The following PLEKHA4 variants were observed in gnomAD, a reference collection of about 807,000 sequenced individuals.
PLEKHA4 encodes pleckstrin homology domain-containing family A member 4.
In PLEKHA4, 73 loss-of-function variants were observed where a neutral mutation model predicts 94.7. The ratio of observed to expected loss-of-function variants is 0.77; its 90% CI spans 0.64 to 0.94. The LOEUF is 0.94. Among genes scored for constraint, PLEKHA4 ranks in the 40% least tolerant of loss-of-function variants. The probability of loss-of-function intolerance (pLI) is 0.00; values close to 1 mark genes in which losing one functional copy is unlikely to be tolerated. For synonymous variants in PLEKHA4, 449 were observed against 437.1 expected, an observed-to-expected ratio of 1.03 and a Z score of -0.34; for missense variants, 1,049 against 1,054.1, an observed-to-expected ratio of 1.00 and a Z score of 0.07.
In PLEKHA4 at chr19:48,841,298, G is replaced by C. The variant is rs201224761; in HGVS notation, c.1756C>G (p.Arg586Gly). ...TGCTCCTGGGCACTCATCCGGGGCC[G>C]GGCCACCGGGGCCTAGGGAGGCGAG... ...PQLGTKAPVARPRMSAQEQLE... is the reference protein window; with the variant it reads ...PQLGTKAPVAGPRMSAQEQLE... The change falls in exon 17 of 20, where the codon CGG becomes GGG. Residue 586 changes from arginine (R) to glycine (G), a missense_variant. Arg to Gly is a moderately radical substitution (Grantham distance 125). Transcript: ENST00000263265. 1.7e-5 allele frequency: 28 copies of C among 1,609,486 alleles called. No homozygotes were observed. The highest frequency in any genetic ancestry group is 3.5e-4 in the Middle Eastern group (2 of 5,750).
At chr19:48,862,113 T>A (rs1263044520) in intron 3 of PLEKHA4, among the ~76,000 whole-genome samples, 3 of 151,658 alleles carry the variant, frequency 2.0e-5, no homozygotes, top group Non-Finnish European at 4.4e-5. Context: ...AGACACATGT[T>A]TGGGGCAATG....
chr19:48,851,165 T>A (rs2036170261), intron 13 of PLEKHA4, among the ~76,000 whole-genome samples: 1 of 151,396 alleles, frequency 6.6e-6, no homozygotes, highest in Non-Finnish European at 1.5e-5. Context: ...AATAAAAGAG[T>A]ATAATGGATT....
intron 13 of PLEKHA4, among the ~76,000 whole-genome samples, chr19:48,849,378 G>A (rs538361205): frequency 5.9e-5 from 9 of 151,474 alleles, no homozygotes; most frequent in African/African-American, 9.7e-5. Context: ...TCACGATCTC[G>A]GCTCACTGCA....
At chr19:48,865,441 A>T (rs1310408524) in intron 3 of PLEKHA4, 62 bp downstream of exon 3, 4 of 1,271,886 alleles carry the variant, frequency 3.1e-6, no homozygotes, top group Non-Finnish European at 4.6e-6. Context: ...TTGCAAGGAG[A>T]GAGACAGAGG....
intron 16 of PLEKHA4, among the ~76,000 whole-genome samples, chr19:48,842,650 G>C (rs535938667): frequency 5.3e-5 from 8 of 152,300 alleles, no homozygotes; most frequent in Middle Eastern, 3.4e-3. Context: ...CCAAGCCCCT[G>C]CTGCTCTTTG....
At chr19:48,859,339 G>A in intron 7 of PLEKHA4, 130 bp downstream of exon 7, 1 of 1,037,688 alleles carries the variant, frequency 9.6e-7, no homozygotes, top group Non-Finnish European at 1.4e-6. Context: ...TCCCCGACAG[G>A]CTGTGACCCC....
chr19:48,868,355 T>G lies in PLEKHA4; in HGVS notation c.-279A>C, dbSNP rs1360257490. 6.6e-6 allele frequency: 1 copy of G among 151,814 alleles called. No individual in the cohort carries two copies. The highest frequency in any genetic ancestry group is 6.6e-5 in the Admixed American group (1 of 15,206). 9.4% of individuals were successfully genotyped at this position (151,814 alleles called of 1,614,324 possible). On this transcript the variant is annotated 5_prime_UTR_variant, in exon 1 of 20. Transcript: ENST00000263265. ...CTTCCAGTCTCTCTCTCACTCATTC[T>G]CTCCCTCTCTCTCTCTCTCCAATCT...
chr19:48,864,486 G>C (rs1307992271), intron 3 of PLEKHA4, among the ~76,000 whole-genome samples: 2 of 152,050 alleles, frequency 1.3e-5, no homozygotes, highest in Non-Finnish European at 2.9e-5. Context: ...TGTCACCTCA[G>C]AGATAATTTT....
chr19:48,858,792 G>C lies in PLEKHA4; in HGVS notation c.972+68C>G. 3.2e-6 allele frequency: 5 copies of C among 1,567,288 alleles called. No homozygotes were observed. In the Admixed American group the frequency reaches 6.9e-5, roughly 22 times the overall value. On this transcript the variant is annotated intron_variant, in intron 8 of 19. Coordinates refer to ENST00000263265, the MANE Select transcript of PLEKHA4 (RefSeq NM_020904.3). ...GACACCCAGGGAGCAATGGCCTTGA[G>C]AATACGGAAAGACAGCCCTGAGGCC...
chr19:48,866,318 T>C (rs1167370269), intron 2 of PLEKHA4, among the ~76,000 whole-genome samples: 2 of 151,888 alleles, frequency 1.3e-5, no homozygotes, highest in African/African-American at 4.8e-5. Flanking sequence ...TTTTTTCTTT[T>C]TCTTTTGAGA....
Position 48,838,133 on chromosome 19 carries a change from G to T in PLEKHA4, c.1965-4C>A. ...GTAAGGGGTGGTGTTCCTTGGACTA[G>T]AAAAAAAAAGAAGATTGGGGGTGGG... is the stretch of plus-strand genomic sequence containing the variant. On this transcript the variant is annotated splice_polypyrimidine_tract_variant and splice_region_variant and intron_variant, in intron 18 of 19. Coordinates refer to ENST00000263265, the MANE Select transcript of PLEKHA4 (RefSeq NM_020904.3). The T allele has an allele frequency of 5.1e-5, 63 of 1,246,320 alleles. No homozygotes were observed. Among genetic ancestry groups the T allele is most frequent in the East Asian group, 6.3e-5 (2 of 31,894 alleles). 77.2% of individuals were successfully genotyped at this position (1,246,320 alleles called of 1,614,324 possible).
At chr19:48,842,372 A>G (rs1392278564) in intron 16 of PLEKHA4, among the ~76,000 whole-genome samples, 2 of 151,534 alleles carry the variant, frequency 1.3e-5, no homozygotes, top group African/African-American at 2.4e-5. Flanking sequence ...GCTGGTCTTG[A>G]ACTCCTGATC....
At chr19:48,865,723 G>T in intron 2 of PLEKHA4, 113 bp from the exon 3 acceptor site, 1 of 679,690 alleles carries the variant, frequency 1.5e-6, no homozygotes, top group East Asian at 2.8e-5. Context: ...TGAGAAATGG[G>T]TCAAGGACCA....
chr19:48,839,288 ACTC>A (rs2122869565), intron 17 of PLEKHA4, 25 bp from the exon 18 acceptor site: 1 of 1,516,104 alleles, frequency 6.6e-7, no homozygotes, highest in South Asian at 1.3e-5. Flanking sequence ...GGGCATTAGA[ACTC>A]CTCACCTGGA....
chr19:48,854,094 A>G lies in PLEKHA4; in HGVS notation c.1096-7T>C, dbSNP rs1340628885. 3.7e-6 allele frequency: 6 copies of G among 1,613,944 alleles called. No homozygotes were observed. In the African/African-American group the frequency reaches 8.0e-5, roughly 22 times the overall value. On this transcript the variant is annotated splice_region_variant and splice_polypyrimidine_tract_variant and intron_variant, in intron 10 of 19. Coordinates refer to ENST00000263265, the MANE Select transcript of PLEKHA4 (RefSeq NM_020904.3). Reference sequence around the variant, plus strand: ...ACAACTTGGTCAGCAGCGTCTGGAGAAAGGAGAGCGGGAGCTACTGATGGT... The same window carrying G: ...ACAACTTGGTCAGCAGCGTCTGGAGGAAGGAGAGCGGGAGCTACTGATGGT...
Position 48,853,477 on chromosome 19 carries a change from C to T in PLEKHA4, c.1326+205G>A, listed in dbSNP as rs371437351. Among the ~76,000 whole-genome samples, 26 of 148,382 alleles carry T rather than the reference C, an allele frequency of 1.8e-4. 1 individual carries two copies. In the South Asian group the frequency reaches 1.9e-3, roughly 11 times the overall value. On this transcript the variant is annotated intron_variant, in intron 12 of 19. Transcript: ENST00000263265. ...TGGCACCACTGTACTCCAGCCTGGG[C>T]GACAGAGCAAGACTCTGTCCCCCCC...
chr19:48,855,716 G>C (rs574824710), intron 9 of PLEKHA4, among the ~76,000 whole-genome samples: 1 of 152,134 alleles, frequency 6.6e-6, no homozygotes, highest in South Asian at 2.1e-4. Context: ...TTGGGCCCAG[G>C]AGACTGAGGC....
chr19:48,859,701 G>C lies in PLEKHA4; in HGVS notation c.477-17C>G, dbSNP rs1202493167. The C allele has an allele frequency of 1.9e-6, 3 of 1,604,006 alleles. No individual in the cohort carries two copies. Among genetic ancestry groups the C allele is most frequent in the Non-Finnish European group, 2.6e-6 (3 of 1,175,186 alleles). On this transcript the variant is annotated splice_polypyrimidine_tract_variant and intron_variant, in intron 6 of 19. Transcript: ENST00000263265. Reference sequence around the variant, plus strand: ...GGTTGCCCACTAGCGAGTGGACATAGACAAGATATCACTCCTTCGAACTTC... The same window carrying C: ...GGTTGCCCACTAGCGAGTGGACATACACAAGATATCACTCCTTCGAACTTC...
At chr19:48,839,171 T>C in intron 18 of PLEKHA4, 34 bp downstream of exon 18, 2 of 1,525,568 alleles carry the variant, frequency 1.3e-6, no homozygotes, top group Non-Finnish European at 1.8e-6. Flanking sequence ...AATTTTTTTT[T>C]CCTGCTCCCT....
Sources: allele counts gnomAD v4.1 joint callset (sites outside exome capture counted in the v4.1 genomes callset), GRCh38; gene constraint gnomAD v4.1.1; transcripts MANE v1.5; gene names NCBI Gene and HGNC (gene_info 2026-07-23, HGNC 2026-07-21).